Variants in ABCC4 observed in about 807,000 individuals in gnomAD.
ABCC4 encodes ATP binding cassette subfamily C member 4 (PEL blood group), also known as ATP-binding cassette sub-family C member 4.
In ABCC4, 102 loss-of-function variants were observed where a neutral mutation model predicts 168.5. That is an observed-to-expected ratio of 0.61 (90% confidence interval 0.52 to 0.71). The LOEUF (loss-of-function observed/expected upper bound fraction) is 0.71, where lower values mean the gene tolerates loss of function less well. Ranked by LOEUF, ABCC4 falls within the 30% of genes least tolerant of loss-of-function variation. The pLI, the probability that ABCC4 is intolerant of heterozygous loss-of-function variation, is 0.00. For missense variants in ABCC4, 1,402 were observed against 1,605.8 expected, an observed-to-expected ratio of 0.87 and a Z score of 2.17; for synonymous variants, 617 against 590.7, an observed-to-expected ratio of 1.04 and a Z score of -0.65.
intron 19 of ABCC4, among the ~76,000 whole-genome samples, chr13:95,120,418 T>A (rs920692412): frequency 2.6e-5 from 4 of 151,604 alleles, no homozygotes; most frequent in African/African-American, 9.7e-5. Flanking sequence ...TACAAAATAC[T>A]TAGGTGGGCG....
chr13:95,288,093 T>C (rs1209257112), intron 1 of ABCC4, among the ~76,000 whole-genome samples: 2 of 152,100 alleles, frequency 1.3e-5, no homozygotes, highest in African/African-American at 2.4e-5. Context: ...TTTTAAAATA[T>C]AGTTCTTAAA....
intron 1 of ABCC4, among the ~76,000 whole-genome samples, chr13:95,272,802 C>T (rs1190048649): frequency 6.6e-6 from 1 of 152,116 alleles, no homozygotes; most frequent in Non-Finnish European, 1.5e-5. Context: ...ACAGGGGAAT[C>T]GCTTGAACCC....
chr13:95,023,363 G>C (rs1266783553), intron 30 of ABCC4, among the ~76,000 whole-genome samples: 1 of 152,054 alleles, frequency 6.6e-6, no homozygotes, highest in Non-Finnish European at 1.5e-5. Context: ...CTGCTACCAG[G>C]TTTTATAACA....
intron 4 of ABCC4, among the ~76,000 whole-genome samples, chr13:95,229,223 T>C (rs2039550325): frequency 1.3e-5 from 2 of 152,162 alleles, no homozygotes; most frequent in African/African-American, 4.8e-5. Context: ...TACATACATA[T>C]ATTCCATATA....
chr13:95,225,151 TCTCACACACACACACACACACACACACA>T (rs1336279723), intron 4 of ABCC4, among the ~76,000 whole-genome samples: 2 of 30,598 alleles, frequency 6.5e-5, no homozygotes, highest in African/African-American at 9.7e-5. Flanking sequence ...TCTCTCTCTC[TCTCACACACACACACACACACACACACA>T]CACACACACA....
chr13:95,194,168 T>C (rs1316645445), intron 9 of ABCC4, among the ~76,000 whole-genome samples: 1 of 152,182 alleles, frequency 6.6e-6, no homozygotes, highest in East Asian at 1.9e-4. Flanking sequence ...GTTGGTCCCA[T>C]TTGCCTAAAT....
At chr13:95,261,196 C>G (rs1023880080) in intron 1 of ABCC4, among the ~76,000 whole-genome samples, 14 of 151,976 alleles carry the variant, frequency 9.2e-5, no homozygotes, top group Non-Finnish European at 1.3e-4. Flanking sequence ...GCCTGTAATC[C>G]CAGCACTTTG....
intron 14 of ABCC4, among the ~76,000 whole-genome samples, chr13:95,167,570 T>G (rs964966007): frequency 3.9e-5 from 6 of 152,186 alleles, no homozygotes; most frequent in Non-Finnish European, 8.8e-5. Flanking sequence ...TGGACCAGTT[T>G]GATAACTGGA....
intron 19 of ABCC4, among the ~76,000 whole-genome samples, chr13:95,153,074 A>G (rs1057459123): frequency 2.0e-5 from 3 of 152,192 alleles, no homozygotes; most frequent in African/African-American, 7.2e-5. Flanking sequence ...GGCTAATGGA[A>G]TATCATTAGG....
intron 1 of ABCC4, among the ~76,000 whole-genome samples, chr13:95,269,016 G>A (rs1314530795): frequency 6.6e-6 from 1 of 152,154 alleles, no homozygotes; most frequent in Non-Finnish European, 1.5e-5. Context: ...AATAGGCTAG[G>A]AAGTGACAGG....
intron 1 of ABCC4, among the ~76,000 whole-genome samples, chr13:95,253,247 C>T (rs1299526247): frequency 6.6e-6 from 1 of 152,220 alleles, no homozygotes; most frequent in Non-Finnish European, 1.5e-5. Context: ...CCATGGGGCT[C>T]ACCCTCTGCC....
chr13:95,143,340 A>G (rs574543970), intron 19 of ABCC4, among the ~76,000 whole-genome samples: 19 of 152,328 alleles, frequency 1.2e-4, no homozygotes, highest in African/African-American at 4.6e-4. Flanking sequence ...TTCAAAGTCT[A>G]ACAATGATGA....
intron 1 of ABCC4, among the ~76,000 whole-genome samples, chr13:95,257,744 G>A (rs1325849368): frequency 1.3e-5 from 2 of 152,136 alleles, no homozygotes; most frequent in African/African-American, 2.4e-5. Context: ...TGTTGTTCAA[G>A]GGTCAACTGT....
intron 8 of ABCC4, among the ~76,000 whole-genome samples, chr13:95,203,886 C>A (rs941966828): frequency 6.6e-6 from 1 of 152,186 alleles, no homozygotes; most frequent in African/African-American, 2.4e-5. Flanking sequence ...CCTCGCTCGG[C>A]CTTCCTCTAG....
chr13:95,041,263 C>G (rs1268820577), intron 29 of ABCC4, among the ~76,000 whole-genome samples: 1 of 152,186 alleles, frequency 6.6e-6, no homozygotes, highest in Non-Finnish European at 1.5e-5. Flanking sequence ...AAATAAAATT[C>G]TAAGCTTAAC....
At chr13:95,296,432 C>T (rs2041538025) in intron 1 of ABCC4, among the ~76,000 whole-genome samples, 1 of 152,154 alleles carries the variant, frequency 6.6e-6, no homozygotes, top group East Asian at 1.9e-4. Flanking sequence ...TGCCCTCAGC[C>T]ACTTGTGTTT....
intron 3 of ABCC4, among the ~76,000 whole-genome samples, chr13:95,240,777 G>T (rs1185485325): frequency 6.6e-6 from 1 of 151,792 alleles, no homozygotes; most frequent in African/African-American, 2.4e-5. Flanking sequence ...TCGAGACCAG[G>T]CTGGCCAACA....
At chr13:95,091,989 T>C (rs2034450372) in intron 20 of ABCC4, among the ~76,000 whole-genome samples, 1 of 152,060 alleles carries the variant, frequency 6.6e-6, no homozygotes, top group Non-Finnish European at 1.5e-5. Context: ...CAAATCGACA[T>C]GAAACACAGC....
Position 95,109,868 on chromosome 13 carries a change from T to C in ABCC4, c.2535+6054A>G, listed in dbSNP as rs981243536. Among the ~76,000 whole-genome samples, 4 of 152,224 alleles carry C rather than the reference T, an allele frequency of 2.6e-5. No individual in the cohort carries two copies. In the East Asian group the frequency reaches 7.7e-4, roughly 29 times the overall value. ...ATATCTCCAAGCCCAACATGGGGCC[T>C]AGTACACCCAAGATACTCAATAAAT... is the stretch of plus-strand genomic sequence containing the variant. On this transcript the variant is annotated intron_variant, in intron 20 of 30. Coordinates refer to ENST00000645237, the MANE Select transcript of ABCC4 (RefSeq NM_005845.5).
Sources: allele counts gnomAD v4.1 joint callset (sites outside exome capture counted in the v4.1 genomes callset), GRCh38; gene constraint gnomAD v4.1.1; transcripts MANE v1.5; gene names NCBI Gene and HGNC (gene_info 2026-07-23, HGNC 2026-07-21).